POU6F2: variants seen among roughly 807,000 people sequenced by gnomAD.
POU6F2 encodes the protein POU domain, class 6, transcription factor 2.
POU6F2 carries 31 observed loss-of-function variants against 71.3 expected under a neutral mutation model. The ratio of observed to expected loss-of-function variants is 0.43; its 90% CI spans 0.33 to 0.59. POU6F2 has a LOEUF of 0.59. Among genes scored for constraint, POU6F2 ranks in the 20% least tolerant of loss-of-function variants. The probability of loss-of-function intolerance (pLI) is 0.04; values close to 1 mark genes in which losing one functional copy is unlikely to be tolerated. For synonymous variants in POU6F2, 347 were observed against 355.7 expected, an observed-to-expected ratio of 0.98 and a Z score of 0.27; for missense variants, 783 against 856.8, an observed-to-expected ratio of 0.91 and a Z score of 1.07.
intron 8 of POU6F2, among the ~76,000 whole-genome samples, chr7:39,454,693 T>G (rs865984150): frequency 0.12 from 5,586 of 45,104 alleles, 1,032 homozygotes; most frequent in African/African-American, 0.29. Context: ...TATATATATA[T>G]ATATATATAT....
At chr7:39,381,013 A>G (rs1786816732) in intron 5 of POU6F2, among the ~76,000 whole-genome samples, 2 of 152,166 alleles carry the variant, frequency 1.3e-5, no homozygotes. Context: ...GCATGGAGTG[A>G]CAGGAAAATT....
Position 39,204,245 on chromosome 7 carries a change from A to G in POU6F2, c.288A>G (p.Gly96=). The change falls in exon 3 of 10, where the codon GGA becomes GGG. Residue 96 remains glycine, a synonymous_variant. Coordinates refer to ENST00000518318, the MANE Select transcript of POU6F2 (RefSeq NM_001370959.1). ...DTPSKLFGAR[G]NPALSDPGTP... The stretch of plus-strand genomic sequence containing the variant: ...TCTTTTGAATTCCAGGGGCTAGAGG[A>G]AACCCAGCATTATCAGACCCAGGCA... 6.2e-7 allele frequency: 1 copy of G among 1,613,726 alleles called. No homozygotes were observed. Among genetic ancestry groups the G allele is most frequent in the Non-Finnish European group, 8.5e-7 (1 of 1,179,752 alleles).
At chr7:39,336,889 A>G (rs1012514583) in intron 4 of POU6F2, among the ~76,000 whole-genome samples, 9 of 152,200 alleles carry the variant, frequency 5.9e-5, no homozygotes, top group African/African-American at 2.2e-4. Context: ...TTCCTTTAGC[A>G]TTTGAGCACC....
intron 4 of POU6F2, among the ~76,000 whole-genome samples, chr7:39,272,861 A>G (rs920975045): frequency 1.8e-4 from 27 of 152,244 alleles, no homozygotes; most frequent in African/African-American, 6.0e-4. Flanking sequence ...TTTACTGAAC[A>G]AATAGTCACT....
chr7:39,026,314 G>A (rs1233892104), intron 1 of POU6F2, among the ~76,000 whole-genome samples: 8 of 151,828 alleles, frequency 5.3e-5, no homozygotes, highest in South Asian at 4.2e-4. Flanking sequence ...TGTTTATTGC[G>A]GCACTATTCA....
At chr7:39,206,690 CTAGTT>C (rs1481497132) in intron 3 of POU6F2, among the ~76,000 whole-genome samples, 1 of 152,140 alleles carries the variant, frequency 6.6e-6, no homozygotes, top group Admixed American at 6.5e-5. Context: ...AATATTTCAT[CTAGTT>C]TAGTACTGTA....
At chr7:39,205,627 G>A (rs953750318) in intron 3 of POU6F2, among the ~76,000 whole-genome samples, 1 of 152,152 alleles carries the variant, frequency 6.6e-6, no homozygotes, top group Admixed American at 6.5e-5. Flanking sequence ...ATATAATTTT[G>A]TATACATTCC....
chr7:39,022,598 G>T (rs1300479392), intron 1 of POU6F2, among the ~76,000 whole-genome samples: 1 of 152,158 alleles, frequency 6.6e-6, no homozygotes, highest in East Asian at 1.9e-4. Context: ...AAAGCTTCTT[G>T]TAAGTGGAAT....
chr7:39,028,513 A>G (rs1789867842), intron 1 of POU6F2, among the ~76,000 whole-genome samples: 1 of 152,234 alleles, frequency 6.6e-6, no homozygotes, highest in Admixed American at 6.5e-5. Context: ...TAACCTAAAA[A>G]TCTAGTTGAA....
intron 1 of POU6F2, among the ~76,000 whole-genome samples, chr7:39,024,925 T>G (rs1789764680): frequency 1.3e-5 from 2 of 152,172 alleles, no homozygotes; most frequent in Admixed American, 1.3e-4. Flanking sequence ...TATTGAGGAT[T>G]TTTGCATCAA....
intron 5 of POU6F2, among the ~76,000 whole-genome samples, chr7:39,352,050 A>C (rs1786148719): frequency 2.0e-5 from 3 of 152,176 alleles, no homozygotes; most frequent in Non-Finnish European, 4.4e-5. Context: ...TCTTTCTCAT[A>C]GCTCCTGATC....
chr7:39,072,026 A>G (rs1326711528), intron 1 of POU6F2, among the ~76,000 whole-genome samples: 1 of 152,200 alleles, frequency 6.6e-6, no homozygotes, highest in Non-Finnish European at 1.5e-5. Context: ...ACAGAGCTCA[A>G]ATCTCACAGG....
chr7:39,429,982 C>T (rs1373931448), intron 6 of POU6F2, among the ~76,000 whole-genome samples: 3 of 152,180 alleles, frequency 2.0e-5, no homozygotes, highest in Admixed American at 1.3e-4. Context: ...TCAGCTCCCC[C>T]GGTTCCATTC....
At position 39,314,104 on chromosome 7, in the gene POU6F2, G is replaced by A. The variant is rs563309214; in HGVS notation, c.599-25538G>A. Among the ~76,000 whole-genome samples the A allele has an allele frequency of 2.3e-4, 35 of 152,306 alleles. 1 individual carries two copies. The East Asian group carries it at 5.8e-3, about 25-fold the overall frequency. On this transcript the variant is annotated intron_variant, in intron 4 of 9. Transcript: ENST00000518318. The stretch of plus-strand genomic sequence containing the variant: ...GTGACGATGATTTGCAGACATTTGC[G>A]TTTGGGAACTGTGACTGTACTTCTG...
intron 6 of POU6F2, among the ~76,000 whole-genome samples, chr7:39,415,113 T>A (rs1011662593): frequency 3.3e-5 from 5 of 152,182 alleles, no homozygotes; most frequent in Non-Finnish European, 7.3e-5. Context: ...AACCTCCACC[T>A]CCTGGGTTCA....
At chr7:38,993,654 G>C (rs1267699335) in intron 1 of POU6F2, among the ~76,000 whole-genome samples, 1 of 111,018 alleles carries the variant, frequency 9.0e-6, no homozygotes, top group African/African-American at 3.3e-5. Flanking sequence ...ACACATCAGT[G>C]GTTCATATTT....
intron 8 of POU6F2, among the ~76,000 whole-genome samples, chr7:39,454,299 G>T (rs774301351): frequency 2.1e-4 from 32 of 152,084 alleles, no homozygotes; most frequent in Admixed American, 8.5e-4. Context: ...ATACCTTAGT[G>T]ATTTTTGTGG....
chr7:39,140,076 T>C (rs1792463675), intron 2 of POU6F2, among the ~76,000 whole-genome samples: 1 of 152,206 alleles, frequency 6.6e-6, no homozygotes, highest in Non-Finnish European at 1.5e-5. Flanking sequence ...GGTGATCTTG[T>C]TACTTATCCC....
chr7:39,212,162 TG>T (rs1032355612), intron 4 of POU6F2, among the ~76,000 whole-genome samples: 3 of 152,122 alleles, frequency 2.0e-5, no homozygotes, highest in African/African-American at 7.2e-5. Flanking sequence ...GGCTATGATG[TG>T]GGTGGGAAGT....
Sources: gnomAD v4.1 joint callset for allele counts (sites outside exome capture counted in the v4.1 genomes callset) on GRCh38, gnomAD v4.1.1 for gene constraint, MANE v1.5 for transcripts, NCBI Gene and HGNC (gene_info 2026-07-23, HGNC 2026-07-21) for gene names.